The following ODF2L variants were observed in gnomAD, a reference collection of about 807,000 sequenced individuals.
ODF2L encodes outer dense fiber of sperm tails 2 like.
ODF2L carries 76 observed loss-of-function variants against 86.3 expected under a neutral mutation model. That is an observed-to-expected ratio of 0.88 (90% CI 0.73 to 1.07). ODF2L has a LOEUF of 1.07. ODF2L is among the 50% of genes least tolerant of loss of function. The pLI, the probability that ODF2L is intolerant of heterozygous loss-of-function variation, is 0.00. For synonymous variants in ODF2L, 241 were observed against 231.3 expected (o/e 1.04, Z -0.38); for missense variants, 748 against 717.4 (o/e 1.04, Z -0.49).
intron 16 of ODF2L, 74 bp from the exon 16 acceptor site, chr1:86,353,058 G>GT: frequency 1.0e-6 from 1 of 966,666 alleles, no homozygotes; most frequent in East Asian, 2.6e-5. Flanking sequence ...CAGTTATATT[G>GT]TACCTTTTTT....
At chr1:86,380,155 T>A (rs536075052) in intron 7 of ODF2L, among the ~76,000 whole-genome samples, 98 of 152,268 alleles carry the variant, frequency 6.4e-4, no homozygotes, top group African/African-American at 2.3e-3. Context: ...TTTTTAAAAA[T>A]TGCAAAGGAG....
chr1:86,351,917 C>T (rs1418153899), exon 18 of ODF2L: 2 of 1,165,160 alleles, frequency 1.7e-6, no homozygotes, highest in African/African-American at 3.2e-5. Flanking sequence ...TACAGCAAAA[C>T]CCACCTCATT....
At chr1:86,352,242 C>G in intron 17 of ODF2L, 1 of 1,472,730 alleles carries the variant, frequency 6.8e-7, no homozygotes, top group Non-Finnish European at 9.0e-7. Flanking sequence ...TTCTCTATGT[C>G]ATTATCTAGT....
At chr1:86,352,003 T>TA (rs911437078) in exon 18 of ODF2L, 50 of 1,291,708 alleles carry the variant, frequency 3.9e-5, no homozygotes, top group African/African-American at 1.5e-4. Context: ...AATGGTGAGT[T>TA]AAAAAAAAGT....
In ODF2L at chr1:86,354,523, T is replaced by G. The variant is rs140912216; in HGVS notation, c.1767+7A>C. On this transcript the variant is annotated splice_region_variant and intron_variant, in intron 16 of 17. Transcript: ENST00000317336. Reference sequence around the variant, plus strand: ...TTAAAAAGTTTCTAAATAAAGGCCATGCATACCTTTTGTCTTCCTTCTTCT... The same window carrying G: ...TTAAAAAGTTTCTAAATAAAGGCCAGGCATACCTTTTGTCTTCCTTCTTCT... The G allele has an allele frequency of 8.9e-6, 14 of 1,566,104 alleles. No homozygotes were observed. In the East Asian group the frequency reaches 2.5e-4, roughly 28 times the overall value.
chr1:86,361,552 T>C (rs1392036974), intron 11 of ODF2L, among the ~76,000 whole-genome samples: 1 of 152,188 alleles, frequency 6.6e-6, no homozygotes, highest in Non-Finnish European at 1.5e-5. Flanking sequence ...TTTAAAAAAA[T>C]GTGTGTGCGT....
chr1:86,371,090 T>C, exon 10 of ODF2L: 1 of 1,559,678 alleles, frequency 6.4e-7, no homozygotes, highest in South Asian at 1.2e-5. Context: ...TAAGAATTTC[T>C]TCACATGAAT....
intron 7 of ODF2L, among the ~76,000 whole-genome samples, chr1:86,378,524 T>C (rs527940506): frequency 6.6e-6 from 1 of 152,312 alleles, no homozygotes; most frequent in Non-Finnish European, 1.5e-5. Context: ...TATAAAGAAA[T>C]ACCTGAGACT....
intron 3 of ODF2L, among the ~76,000 whole-genome samples, chr1:86,385,213 C>T (rs550105257): frequency 1.3e-5 from 2 of 151,962 alleles, no homozygotes; most frequent in South Asian, 4.1e-4. Context: ...AGTTCAACTC[C>T]GGGTAATTCA....
rs12038844 is a variant in ODF2L, at chr1:86,369,385, G to A, written c.1057-663C>T. On this transcript the variant is annotated intron_variant, in intron 10 of 17. Transcript: ENST00000317336. ...ATTAAAGGTGAGAAAAGAAGACCTTGCTACTTCCTATAACGTATATCACTT... is the reference window on the plus strand; with the variant it reads ...ATTAAAGGTGAGAAAAGAAGACCTTACTACTTCCTATAACGTATATCACTT... Among the ~76,000 whole-genome samples the A allele has an allele frequency of 0.011, 1,682 of 152,282 alleles. 66 individuals are homozygous for A. In the East Asian group the frequency reaches 0.11, roughly 10 times the overall value.
Position 86,383,177 on chromosome 1 carries a change from C to A in ODF2L, c.392G>T (p.Ser131Ile), listed in dbSNP as rs776547925. The A allele has an allele frequency of 1.3e-5, 21 of 1,572,550 alleles. 2 individuals carry two copies. Among genetic ancestry groups the A allele is most frequent in the Middle Eastern group, 3.4e-4 (2 of 5,900 alleles). The change falls in exon 5 of 18, where the codon AGC (serine) becomes ATC (isoleucine). Residue 131 changes from serine to isoleucine, a missense_variant. Physicochemically the swap from Ser to Ile is moderately radical, Grantham distance 142. Transcript: ENST00000317336. The stretch of plus-strand genomic sequence containing the variant: ...ATCAGTTAGATTTTCTAGCAACATG[C>A]TGGATAAATTGTCTCCTGTCTGAGA...
At chr1:86,355,609 T>TGC (rs1658490996) in intron 14 of ODF2L, among the ~76,000 whole-genome samples, 1 of 152,200 alleles carries the variant, frequency 6.6e-6, no homozygotes, top group African/African-American at 2.4e-5. Flanking sequence ...GGGTTTGTTG[T>TGC]ACAGATTATT....
chr1:86,352,367 C>G (rs530462434), intron 17 of ODF2L, among the ~76,000 whole-genome samples: 1 of 152,054 alleles, frequency 6.6e-6, no homozygotes, highest in Non-Finnish European at 1.5e-5. Context: ...TAAGCACAGT[C>G]ACTTTGGTAT....
intron 8 of ODF2L, among the ~76,000 whole-genome samples, chr1:86,373,342 T>G (rs958650280): frequency 1.3e-5 from 2 of 150,560 alleles, no homozygotes; most frequent in Admixed American, 6.6e-5. Context: ...GGCACGGTCA[T>G]GATGGTTCAC....
At chr1:86,356,467 T>C in exon 14 of ODF2L, 2 of 1,612,254 alleles carry the variant, frequency 1.2e-6, no homozygotes, top group Non-Finnish European at 1.7e-6. Flanking sequence ...TCCCTAATGG[T>C]GTGTTCCTGG....
intron 8 of ODF2L, among the ~76,000 whole-genome samples, chr1:86,373,536 C>G (rs1418713303): frequency 1.3e-5 from 2 of 149,674 alleles, no homozygotes; most frequent in Non-Finnish European, 3.0e-5. Flanking sequence ...TATAACTACT[C>G]TATATATATG....
intron 13 of ODF2L, chr1:86,357,864 C>A (rs1266079210): frequency 2.0e-6 from 2 of 985,102 alleles, no homozygotes; most frequent in East Asian, 2.3e-4. Flanking sequence ...GTAAAATATG[C>A]TTTTATTTAC....
rs1660167631 is a variant in ODF2L at position 86,376,288 on chromosome 1, CTTTG to C, written c.751_754del (p.Gln251GlyfsTer41). The C allele has an allele frequency of 1.2e-6, 2 of 1,613,044 alleles. No homozygotes were observed. Among genetic ancestry groups the C allele is most frequent in the Non-Finnish European group, 1.7e-6 (2 of 1,179,408 alleles). ...AATAGCTCCTGTAAAATGGTCAAGC[CTTTG>C]TTTGTAAACTTTAGATGCCTTTTTT... On this transcript the variant is annotated frameshift_variant, in exon 8 of 18. Transcript: ENST00000317336. LOFTEE classifies it high-confidence loss of function.
At chr1:86,356,582 A>C (rs1250421001) in exon 14 of ODF2L, 1 of 1,613,698 alleles carries the variant, frequency 6.2e-7, no homozygotes, top group South Asian at 1.1e-5. Context: ...CCTTCAGATG[A>C]GACTCCATCT....
Sources: allele counts gnomAD v4.1 joint callset (sites outside exome capture counted in the v4.1 genomes callset), GRCh38; gene constraint gnomAD v4.1.1; transcripts MANE v1.5; gene names NCBI Gene and HGNC (gene_info 2026-07-23, HGNC 2026-07-21).